The following ACSF3 variants were observed in gnomAD, a reference collection of about 807,000 sequenced individuals.
ACSF3 encodes the protein acyl-CoA synthetase family member 3, also known as malonate--CoA ligase ACSF3, mitochondrial.
A neutral mutation model predicts 53.2 loss-of-function variants in ACSF3; 78 were observed. The ratio of observed to expected loss-of-function variants is 1.47; its 90% CI spans 1.22 to 1.77. The LOEUF (loss-of-function observed/expected upper bound fraction) is 1.77. ACSF3 is among the 40% of genes most tolerant of loss of function. The pLI is 0.00. For missense variants in ACSF3, 937 were observed against 771.1 expected, an observed-to-expected ratio of 1.22 and a Z score of -2.55; for synonymous variants, 414 against 333.1, an observed-to-expected ratio of 1.24 and a Z score of -2.65.
intron 8 of ACSF3, chr16:89,136,562 C>T: frequency 7.8e-7 from 1 of 1,275,592 alleles, no homozygotes. Context: ...CCTCCTGCCA[C>T]ACGGATTCTG....
intron 7 of ACSF3, among the ~76,000 whole-genome samples, chr16:89,130,251 A>T (rs1415306457): frequency 6.6e-6 from 1 of 152,198 alleles, no homozygotes; most frequent in Non-Finnish European, 1.5e-5. Flanking sequence ...TTCTGGGTTG[A>T]CAACTATTTT....
At chr16:89,118,368 A>G (rs541870275) in intron 6 of ACSF3, among the ~76,000 whole-genome samples, 40 of 149,676 alleles carry the variant, frequency 2.7e-4, no homozygotes, top group Admixed American at 2.1e-3. Context: ...ATTAAATCCA[A>G]TATGCCCCAC....
intron 10 of ACSF3, 107 bp from the exon 11 acceptor site, chr16:89,153,983 C>A: frequency 8.2e-7 from 1 of 1,214,088 alleles, no homozygotes; most frequent in Non-Finnish European, 1.2e-6. Flanking sequence ...AGGCGCCTGG[C>A]AAGGCTGCAG....
rs779630954 is a variant in ACSF3 at position 89,114,374 on chromosome 16, C to T, written c.1013C>T (p.Pro338Leu). The T allele has an allele frequency of 5.0e-6, 8 of 1,614,010 alleles. No homozygotes were observed. In the East Asian group the frequency reaches 6.7e-5, roughly 13 times the overall value. ...MVSGSAALPL[P>L]VLEKWKNITG... ...TCAGGCTCAGCTGCCCTGCCCCTCCCAGTGCTGGAGAAGTGGAAGAACATC... is the reference window on the plus strand; with the variant it reads ...TCAGGCTCAGCTGCCCTGCCCCTCCTAGTGCTGGAGAAGTGGAAGAACATC... Residue 338 changes from proline (P) to leucine (L), a missense_variant, in exon 6 of 11, where the codon CCA becomes CTA. Pro to Leu is a moderately conservative substitution (Grantham distance 98, BLOSUM62 -3). Coordinates refer to ENST00000614302, the MANE Select transcript of ACSF3 (RefSeq NM_001243279.3).
At chr16:89,098,158 G>C (rs1185777531) in intron 1 of ACSF3, among the ~76,000 whole-genome samples, 2 of 152,214 alleles carry the variant, frequency 1.3e-5, no homozygotes, top group African/African-American at 4.8e-5. Context: ...GTAGTTGAGG[G>C]TCTCAAGCAC....
chr16:89,095,724 T>C (rs891174659), intron 1 of ACSF3, among the ~76,000 whole-genome samples: 3 of 152,228 alleles, frequency 2.0e-5, no homozygotes, highest in African/African-American at 7.2e-5. Flanking sequence ...CGAGGCTCCA[T>C]GGGGAGCACC....
intron 1 of ACSF3, among the ~76,000 whole-genome samples, chr16:89,097,739 G>A (rs113057801): frequency 1.8e-4 from 27 of 149,972 alleles, no homozygotes; most frequent in Admixed American, 2.0e-4. Flanking sequence ...GTGTGTGGGC[G>A]GACCAGCCAC....
rs1913960117 is a variant in ACSF3, at chr16:89,150,858, T to C, written c.1614-3232T>C. On this transcript the variant is annotated intron_variant, in intron 10 of 10. Coordinates refer to ENST00000614302, the MANE Select transcript of ACSF3 (RefSeq NM_001243279.3). ...TGCCCGGCTCAGGCTGAGACTGCAG[T>C]GCTTGTCCATTCACCATGAAAGAAA... 1.6e-4 allele frequency: 102 copies of C among 642,684 alleles called. 2 individuals carry two copies. The South Asian group carries it at 1.8e-3, about 11-fold the overall frequency. 39.8% of individuals were successfully genotyped at this position (642,684 alleles called of 1,614,324 possible).
At chr16:89,153,837 G>A (rs1190309946) in intron 10 of ACSF3, 1 of 547,702 alleles carries the variant, frequency 1.8e-6, no homozygotes, top group Non-Finnish European at 3.3e-6. Context: ...CCTCGCCCAA[G>A]GCCTGCACGC....
Position 89,101,211 on chromosome 16 carries a change from G to T in ACSF3, c.530G>T (p.Gly177Val). 1.2e-6 allele frequency: 2 copies of T among 1,605,660 alleles called. No individual in the cohort carries two copies. Among genetic ancestry groups the T allele is most frequent in the Non-Finnish European group, 8.5e-7 (1 of 1,176,368 alleles). The part of the protein sequence containing the change: ...LLPLTPAIYT[G>V]AVEEPAEVPV... ...CCGCTCACACCAGCCATCTACACTG[G>T]AGCAGTAGAGGAACCGGCAGAGGTC... The change falls in exon 3 of 11, where the codon GGA becomes GTA. Residue 177 changes from glycine (G) to valine (V), a missense_variant. Coordinates refer to ENST00000614302, the MANE Select transcript of ACSF3 (RefSeq NM_001243279.3).
chr16:89,148,163 G>A (rs939852784), intron 10 of ACSF3: 3 of 144,924 alleles, frequency 2.1e-5, no homozygotes, highest in African/African-American at 7.8e-5. Context: ...GGAGTGCAGT[G>A]GCATGATCTC....
chr16:89,094,151 T>G (rs1974334316), intron 1 of ACSF3, among the ~76,000 whole-genome samples, 155 bp downstream of exon 1: 1 of 151,214 alleles, frequency 6.6e-6, no homozygotes, highest in South Asian at 2.1e-4. Flanking sequence ...GGGCCGGGCG[T>G]CGGCCTTCCC....
chr16:89,140,793 A>G (rs866335147), intron 8 of ACSF3, among the ~76,000 whole-genome samples: 4 of 152,194 alleles, frequency 2.6e-5, no homozygotes, highest in African/African-American at 9.6e-5. Context: ...AGAGAATTCA[A>G]ATCTGAGTAT....
intron 4 of ACSF3, among the ~76,000 whole-genome samples, chr16:89,103,672 C>T (rs368170001): frequency 9.2e-5 from 14 of 152,334 alleles, no homozygotes; most frequent in African/African-American, 3.1e-4. Context: ...TGGCAGCCCT[C>T]GGTTACTCCA....
intron 7 of ACSF3, among the ~76,000 whole-genome samples, chr16:89,124,449 C>T (rs980261632): frequency 2.7e-5 from 4 of 149,450 alleles, no homozygotes; most frequent in Non-Finnish European, 4.4e-5. Flanking sequence ...GTGTGATACC[C>T]GTGCGTACTC....
chr16:89,151,616 T>A (rs528132445), intron 10 of ACSF3: 1 of 186,756 alleles, frequency 5.4e-6, no homozygotes, highest in African/African-American at 2.4e-5. Flanking sequence ...CATATATTTT[T>A]TTTTTTTTTG....
chr16:89,148,592 A>G (rs1452579777), intron 10 of ACSF3: 2 of 151,988 alleles, frequency 1.3e-5, no homozygotes, highest in Non-Finnish European at 2.9e-5. Context: ...ACACAGTGCA[A>G]GCTGTCGGTG....
chr16:89,150,874 A>G, intron 10 of ACSF3: 1 of 782,912 alleles, frequency 1.3e-6, no homozygotes, highest in Non-Finnish European at 1.8e-6. Flanking sequence ...TCCATTCACC[A>G]TGAAAGAAAG....
chr16:89,122,536 G>A (rs1906913007), intron 7 of ACSF3: 4 of 326,336 alleles, frequency 1.2e-5, no homozygotes, highest in South Asian at 7.0e-5. Context: ...CCCCCAACTC[G>A]AGGACCTCCC....
Sources: allele counts gnomAD v4.1 joint callset (sites outside exome capture counted in the v4.1 genomes callset), GRCh38; gene constraint gnomAD v4.1.1; transcripts MANE v1.5; gene names NCBI Gene and HGNC (gene_info 2026-07-23, HGNC 2026-07-21).